Variants in GLDC observed in about 807,000 individuals in gnomAD.
The protein encoded by GLDC is glycine dehydrogenase (decarboxylating), mitochondrial.
Under a neutral mutation model 121.3 loss-of-function variants are expected in GLDC, and 104 were observed. That is an observed-to-expected ratio of 0.86 (90% CI 0.73 to 1.01). The LOEUF (loss-of-function observed/expected upper bound fraction) is 1.01, where lower values mean the gene tolerates loss of function less well. Ranked by LOEUF, GLDC falls within the 50% of genes least tolerant of loss-of-function variation. The pLI is 0.00. For missense variants in GLDC, 1,429 were observed against 1,306.6 expected (o/e 1.09, Z -1.44); for synonymous variants, 546 against 480.6 (o/e 1.14, Z -1.78).
chr9:6,586,279 G>T (rs1416019851), intron 15 of GLDC, among the ~76,000 whole-genome samples: 1 of 152,038 alleles, frequency 6.6e-6, no homozygotes, highest in Non-Finnish European at 1.5e-5. Flanking sequence ...TGGGCAACAA[G>T]AGCAAAACTC....
chr9:6,539,966 T>C, intron 22 of GLDC, 85 bp downstream of exon 22: 2 of 873,276 alleles, frequency 2.3e-6, no homozygotes, highest in Non-Finnish European at 4.0e-6. Flanking sequence ...ATCAGTTTAC[T>C]GTGGTGCCTG....
At chr9:6,548,670 G>A (rs1319517798) in intron 21 of GLDC, among the ~76,000 whole-genome samples, 2 of 152,128 alleles carry the variant, frequency 1.3e-5, no homozygotes, top group Non-Finnish European at 2.9e-5. Flanking sequence ...TGTTGCTGTT[G>A]CCCAGGTGCA....
At position 6,550,862 on chromosome 9, in the gene GLDC, G is replaced by A. The variant is rs1157130507; in HGVS notation, c.2510C>T (p.Ala837Val). 6.2e-7 allele frequency: 1 copy of A among 1,613,792 alleles called. No homozygotes were observed. Among genetic ancestry groups the A allele is most frequent in the Non-Finnish European group, 8.5e-7 (1 of 1,179,738 alleles). Residue 837 changes from alanine to valine, a missense_variant, in exon 21 of 25, where the codon GCC becomes GTC. Ala to Val is a moderately conservative substitution (Grantham distance 64). Coordinates refer to ENST00000321612, the MANE Select transcript of GLDC (RefSeq NM_000170.3). ...TTCTAATCGCTTGGCCATGTAGTTGGCATTTAATATCGCAGTTTCCGTGGC... is the reference window on the plus strand; with the variant it reads ...TTCTAATCGCTTGGCCATGTAGTTGACATTTAATATCGCAGTTTCCGTGGC... ...KQATETAILN[A>V]NYMAKRLETH...
chr9:6,592,327 T>C (rs1198977238), intron 10 of GLDC, 104 bp from the exon 11 acceptor site: 11 of 769,706 alleles, frequency 1.4e-5, no homozygotes, highest in Admixed American at 1.9e-5. Flanking sequence ...CAAAATCCCA[T>C]CATTCCAAAA....
At chr9:6,555,397 G>A (rs1215454670) in intron 18 of GLDC, among the ~76,000 whole-genome samples, 12 of 152,088 alleles carry the variant, frequency 7.9e-5, no homozygotes, top group Admixed American at 7.9e-4. Flanking sequence ...ATTCATTTAT[G>A]CTACAGAACC....
At chr9:6,645,182 C>A in intron 1 of GLDC, 63 bp downstream of exon 1, 2 of 1,469,082 alleles carry the variant, frequency 1.4e-6, no homozygotes, top group South Asian at 1.3e-5. Flanking sequence ...GCCGGGAGGC[C>A]GCGCAGGCAG....
chr9:6,587,819 G>A (rs989522261), intron 14 of GLDC, among the ~76,000 whole-genome samples: 3 of 152,096 alleles, frequency 2.0e-5, no homozygotes, highest in Non-Finnish European at 4.4e-5. Flanking sequence ...AAAATAGAGA[G>A]GGAAATATTC....
chr9:6,586,552 G>A (rs1434080179), intron 15 of GLDC, among the ~76,000 whole-genome samples: 1 of 152,120 alleles, frequency 6.6e-6, no homozygotes, highest in Non-Finnish European at 1.5e-5. Context: ...AGGTTCTCCT[G>A]GCCCTGCTAA....
At chr9:6,632,119 A>C (rs540817351) in intron 2 of GLDC, among the ~76,000 whole-genome samples, 3 of 152,346 alleles carry the variant, frequency 2.0e-5, no homozygotes, top group Admixed American at 6.5e-5. Flanking sequence ...ACACCAAGTA[A>C]ATTGTAATCT....
intron 15 of GLDC, among the ~76,000 whole-genome samples, chr9:6,574,059 A>G (rs1035760275): frequency 1.3e-5 from 2 of 152,238 alleles, no homozygotes; most frequent in Non-Finnish European, 2.9e-5. Flanking sequence ...TCAATTTGAC[A>G]TAAGTTTAGT....
chr9:6,556,350 C>A, intron 17 of GLDC, 48 bp from the exon 18 acceptor site: 2 of 1,496,990 alleles, frequency 1.3e-6, no homozygotes, highest in South Asian at 2.3e-5. Context: ...GGATATGTTT[C>A]TTTCTTGGCC....
intron 15 of GLDC, among the ~76,000 whole-genome samples, chr9:6,583,015 C>A (rs972689329): frequency 2.0e-4 from 30 of 152,096 alleles, no homozygotes; most frequent in Non-Finnish European, 3.8e-4. Flanking sequence ...CAGTGAGATA[C>A]CACTTCACAC....
rs1819719916 is a variant in GLDC, at chr9:6,645,276, T to C, written c.224A>G (p.Gln75Arg). Residue 75 changes from glutamine to arginine, a missense_variant, in exon 1 of 25, where the codon CAG becomes CGG. Gln to Arg is a conservative substitution (Grantham distance 43). Coordinates refer to ENST00000321612, the MANE Select transcript of GLDC (RefSeq NM_000170.3). ...RRHIGPGDKD[Q>R]REMLQTLGLA... ...CCCCAAGGTCTGCAGCATCTCTCTC[T>C]GGTCTTTGTCCCCAGGGCCGATGTG... 4 of 1,604,324 alleles carry C rather than the reference T, an allele frequency of 2.5e-6. No homozygotes were observed. In the Admixed American group the frequency reaches 5.0e-5, roughly 20 times the overall value.
chr9:6,556,466 C>G (rs1817633376), intron 17 of GLDC, among the ~76,000 whole-genome samples, 164 bp from the exon 18 acceptor site: 1 of 152,180 alleles, frequency 6.6e-6, no homozygotes, highest in Non-Finnish European at 1.5e-5. Context: ...AAAACCACAG[C>G]CATTACTCCC....
intron 8 of GLDC, 149 bp downstream of exon 8, chr9:6,601,960 T>A (rs1456451787): frequency 1.8e-5 from 12 of 654,460 alleles, no homozygotes; most frequent in Admixed American, 4.2e-5. Flanking sequence ...CATAAGACAA[T>A]GAGCCTTCTA....
In GLDC at chr9:6,536,122, C is replaced by T. The variant is rs934940369; in HGVS notation, c.2780G>A (p.Arg927Gln). ...DRFCDAMISI[R>Q]QEIADIEEGR... ...CTCCTCAATGTCAGCAATTTCCTGC[C>T]GAATGCTGATCATGGCATCACAGAA... Residue 927 changes from arginine (R) to glutamine (Q), a missense_variant, in exon 23 of 25, where the codon CGG becomes CAG. Transcript: ENST00000321612. 1.2e-6 allele frequency: 2 copies of T among 1,614,056 alleles called. No individual in the cohort carries two copies. Among genetic ancestry groups the T allele is most frequent in the East Asian group, 2.2e-5 (1 of 44,878 alleles).
At chr9:6,550,988 AC>A in intron 20 of GLDC, 74 bp from the exon 21 acceptor site, 4 of 938,356 alleles carry the variant, frequency 4.3e-6, no homozygotes, top group Non-Finnish European at 5.3e-6. Flanking sequence ...ACCAAAAGAC[AC>A]CCCCAGATAA....
rs1014629026 is a variant in GLDC at position 6,556,136 on chromosome 9, G to C, written c.2202+17C>G. 17 of 1,601,362 alleles carry C rather than the reference G, an allele frequency of 1.1e-5. No individual in the cohort carries two copies. The highest frequency in any genetic ancestry group is 1.5e-5 in the Non-Finnish European group (17 of 1,169,972). ...TTTTCTCAGTGGGAACTAAGGGCGG[G>C]CCTCTTCAGTTCCCACCTGAGCATT... is the stretch of plus-strand genomic sequence containing the variant. On this transcript the variant is annotated intron_variant, in intron 18 of 24. Transcript: ENST00000321612.
rs386833516 is a variant in GLDC at position 6,604,643 on chromosome 9, C to CA, written c.1002dup (p.Ala335CysfsTer75). 2.5e-6 allele frequency: 4 copies of CA among 1,613,770 alleles called. No individual in the cohort carries two copies. The highest frequency in any genetic ancestry group is 3.4e-6 in the Non-Finnish European group (4 of 1,179,996). On this transcript the variant is annotated frameshift_variant, in exon 7 of 25. Transcript: ENST00000321612. LOFTEE classifies it high-confidence loss of function. ...ATTCTCACCAAGCTTTCTCGGACAGCAAAAAATGCTGCATGGGGTCCCCCA... is the reference window on the plus strand; with the variant it reads ...ATTCTCACCAAGCTTTCTCGGACAGCAAAAAAATGCTGCATGGGGTCCCCCA...
Sources: gnomAD v4.1 joint callset for allele counts (sites outside exome capture counted in the v4.1 genomes callset) on GRCh38, gnomAD v4.1.1 for gene constraint, MANE v1.5 for transcripts, NCBI Gene and HGNC (gene_info 2026-07-23, HGNC 2026-07-21) for gene names.